The following SV2B variants were observed in gnomAD, a reference collection of about 807,000 sequenced individuals.
The protein encoded by SV2B is synaptic vesicle glycoprotein 2B, also known as solute carrier family 22 member B2.
SV2B carries 41 observed loss-of-function variants against 73.9 expected under a neutral mutation model. The observed-to-expected ratio is 0.56, with a 90% CI of 0.43 to 0.72. SV2B has a LOEUF of 0.72. SV2B is among the 30% of genes least tolerant of loss of function. The pLI is 0.00. For synonymous variants in SV2B, 314 were observed against 314.2 expected (o/e 1.00, Z 0.01); for missense variants, 764 against 857.8 (o/e 0.89, Z 1.37).
Position 91,253,975 on chromosome 15 carries a change from A to C in SV2B, c.784+1455A>C, listed in dbSNP as rs1473728162. Among the ~76,000 whole-genome samples the C allele has an allele frequency of 2.0e-5, 3 of 152,242 alleles. No homozygotes were observed. Among genetic ancestry groups the C allele is most frequent in the African/African-American group, 7.2e-5 (3 of 41,464 alleles). ...GGAATAGTGAAATAAAGAGTTGAAG[A>C]GTTTTCCAGCCAATTCTGTCATTCT... On this transcript the variant is annotated intron_variant, in intron 4 of 12. Transcript: ENST00000394232. This position sits in a 1 kb window ranked among gnomAD's most constrained non-coding sequence, Gnocchi z 5.0.
intron 2 of SV2B, among the ~76,000 whole-genome samples, chr15:91,235,916 G>A (rs1219912585): frequency 6.6e-6 from 1 of 152,148 alleles, no homozygotes; most frequent in Non-Finnish European, 1.5e-5. Context: ...GGGAGAGAGA[G>A]AAGACCGGGC....
intron 2 of SV2B, among the ~76,000 whole-genome samples, chr15:91,251,236 A>T (rs547225445): frequency 1.3e-3 from 193 of 152,356 alleles, no homozygotes; most frequent in Middle Eastern, 3.4e-3. Context: ...CGTTGAGAAA[A>T]CTGGATATTA....
chr15:91,284,431 G>A lies in SV2B; in HGVS notation c.1708+210G>A, dbSNP rs1004298099. Among the ~76,000 whole-genome samples, 2 of 152,190 alleles carry A rather than the reference G, an allele frequency of 1.3e-5. No individual in the cohort carries two copies. Among genetic ancestry groups the A allele is most frequent in the South Asian group, 4.1e-4 (2 of 4,822 alleles). On this transcript the variant is annotated intron_variant, in intron 11 of 12. Coordinates refer to ENST00000394232, the MANE Select transcript of SV2B (RefSeq NM_001323032.3). The surrounding 1 kb of genome is among the most constrained non-coding windows in gnomAD (Gnocchi z 4.5). ...AAATAGTCAAGAATCTTTGGTCTAG[G>A]CGAGGGACTTTTGTTCATTTCCTGA...
intron 1 of SV2B, among the ~76,000 whole-genome samples, chr15:91,135,631 C>T (rs987799724): frequency 3.9e-5 from 6 of 152,098 alleles, no homozygotes; most frequent in South Asian, 2.1e-4. Context: ...GAAACCATGA[C>T]GCCATCCTGC....
intron 9 of SV2B, among the ~76,000 whole-genome samples, chr15:91,276,567 CT>C (rs1299873562): frequency 6.6e-6 from 1 of 151,644 alleles, no homozygotes; most frequent in Non-Finnish European, 1.5e-5. Flanking sequence ...TCCAGTAATC[CT>C]TTGTTTTTGC....
chr15:91,102,809 A>C (rs2041772053), intron 1 of SV2B, among the ~76,000 whole-genome samples: 1 of 152,222 alleles, frequency 6.6e-6, no homozygotes, highest in Admixed American at 6.5e-5. Flanking sequence ...ACATTTGACC[A>C]GACATCTGGG....
intron 1 of SV2B, among the ~76,000 whole-genome samples, chr15:91,221,693 G>GCACGCGCGCGCACGCGCGCGCA (rs1555486429): frequency 3.6e-5 from 5 of 140,068 alleles, no homozygotes; most frequent in African/African-American, 1.4e-4. Context: ...AAGCATGTGC[G>GCACGCGCGCGCACGCGCGCGCA]CACACACACA....
intron 2 of SV2B, among the ~76,000 whole-genome samples, chr15:91,238,908 G>A (rs3784771): frequency 5.3e-5 from 8 of 152,092 alleles, no homozygotes; most frequent in Non-Finnish European, 8.8e-5. Flanking sequence ...TCGGGTCCTC[G>A]GTGGAGCTCA....
At chr15:91,269,452 T>C (rs1254527675) in intron 9 of SV2B, among the ~76,000 whole-genome samples, 1 of 152,226 alleles carries the variant, frequency 6.6e-6, no homozygotes, top group Non-Finnish European at 1.5e-5. Context: ...TGAAATACCA[T>C]GGCCCAGATA....
At position 91,197,077 on chromosome 15, in the gene SV2B, C is replaced by A. The variant is rs141885839; in HGVS notation, c.-391-28796C>A. Among the ~76,000 whole-genome samples, 1 of 152,360 alleles carries A rather than the reference C, an allele frequency of 6.6e-6. No homozygotes were observed. The highest frequency in any genetic ancestry group is 1.9e-4 in the East Asian group (1 of 5,186). The stretch of plus-strand genomic sequence containing the variant: ...CAGCCTTTAGCCCATAGATGCTGAT[C>A]TTTGATGTCAGAAAGACCTGTCTGC... On this transcript the variant is annotated intron_variant, in intron 1 of 12. Transcript: ENST00000394232. The surrounding 1 kb of genome is among the most constrained non-coding windows in gnomAD (Gnocchi z 4.9).
At chr15:91,170,091 T>A (rs72764764) in intron 1 of SV2B, among the ~76,000 whole-genome samples, 73,524 of 151,994 alleles carry the variant, frequency 0.48, 20,599 homozygotes, top group African/African-American at 0.76. Flanking sequence ...TTTAAAAATT[T>A]CTGTTATTTA....
At chr15:91,162,260 A>T (rs543529701) in intron 1 of SV2B, among the ~76,000 whole-genome samples, 42 of 152,316 alleles carry the variant, frequency 2.8e-4, no homozygotes, top group African/African-American at 1.0e-3. Context: ...CTTCCAGAAA[A>T]TACCACAGAT....
chr15:91,196,075 T>C (rs2045234766), intron 1 of SV2B, among the ~76,000 whole-genome samples: 1 of 152,244 alleles, frequency 6.6e-6, no homozygotes, highest in South Asian at 2.1e-4. Context: ...TATTAAAGAT[T>C]GGCTGCTAAA....
chr15:91,284,021 A>G lies in SV2B; in HGVS notation c.1508A>G (p.Asp503Gly). 6.2e-7 allele frequency: 1 copy of G among 1,613,924 alleles called. No homozygotes were observed. Among genetic ancestry groups the G allele is most frequent in the Non-Finnish European group, 8.5e-7 (1 of 1,179,968 alleles). ...TIESTIFYNT[D>G]LYEHKFINCR... ...ACCGAAGGTTTCCTTCTCTCCCCAG[A>G]CCTCTACGAGCACAAGTTCATCAAC... The change falls in exon 11 of 13, where the codon GAC (aspartate) becomes GGC (glycine). Residue 503 changes from aspartate to glycine, a missense_variant and splice_region_variant. Transcript: ENST00000394232. The surrounding 1 kb of genome is among the most constrained non-coding windows in gnomAD (Gnocchi z 4.5).
intron 1 of SV2B, among the ~76,000 whole-genome samples, chr15:91,117,202 G>A (rs2042205353): frequency 6.6e-6 from 1 of 152,132 alleles, no homozygotes; most frequent in African/African-American, 2.4e-5. Flanking sequence ...TAGATTGCTG[G>A]GATTGAAGCT....
rs2042003978 is a variant in SV2B at position 91,110,415 on chromosome 15, T to A, written c.-392+10052T>A. 6.6e-6 allele frequency among the ~76,000 whole-genome samples: 1 copy of A among 152,188 alleles called. No homozygotes were observed. The highest frequency in any genetic ancestry group is 1.5e-5 in the Non-Finnish European group (1 of 68,016). On this transcript the variant is annotated intron_variant, in intron 1 of 12. Transcript: ENST00000394232. The surrounding 1 kb of genome is among the most constrained non-coding windows in gnomAD (Gnocchi z 5.4). ...TAGTTCTCCCAAGCAGGTGAGAGCC[T>A]GGTTAGGCCCCTCAACAGCCTCCTC...
chr15:91,245,304 CA>C lies in SV2B; in HGVS notation c.452-6513del, dbSNP rs2047179573. ...ATTCTGAGCAAATAACTAGAAACAC[CA>C]ACAAAGACATATGCATAAAATATTC... is the stretch of plus-strand genomic sequence containing the variant. On this transcript the variant is annotated intron_variant, in intron 2 of 12. Transcript: ENST00000394232. This position sits in a 1 kb window ranked among gnomAD's most constrained non-coding sequence, Gnocchi z 4.2. 6.6e-6 allele frequency among the ~76,000 whole-genome samples: 1 copy of C among 152,128 alleles called. No individual in the cohort carries two copies. The highest frequency in any genetic ancestry group is 6.5e-5 in the Admixed American group (1 of 15,286).
chr15:91,115,507 G>A lies in SV2B; in HGVS notation c.-392+15144G>A, dbSNP rs189976999. 4.0e-5 allele frequency among the ~76,000 whole-genome samples: 6 copies of A among 151,892 alleles called. No individual in the cohort carries two copies. Among genetic ancestry groups the A allele is most frequent in the African/African-American group, 1.2e-4 (5 of 41,450 alleles). Reference sequence around the variant, plus strand: ...CCACCTCAGTCTCCTGAGTAGCTGGGACCACAGGCACCCACCATCATGCCT... The same window carrying A: ...CCACCTCAGTCTCCTGAGTAGCTGGAACCACAGGCACCCACCATCATGCCT... On this transcript the variant is annotated intron_variant, in intron 1 of 12. Transcript: ENST00000394232. The surrounding 1 kb of genome is among the most constrained non-coding windows in gnomAD (Gnocchi z 4.3).
At chr15:91,259,300 A>G (rs2047820744) in intron 5 of SV2B, among the ~76,000 whole-genome samples, 1 of 152,116 alleles carries the variant, frequency 6.6e-6, no homozygotes, top group Non-Finnish European at 1.5e-5. Context: ...TTCCAACAGC[A>G]GGGGAACCTC....
Sources: allele counts gnomAD v4.1 joint callset (sites outside exome capture counted in the v4.1 genomes callset), GRCh38; gene constraint gnomAD v4.1.1; non-coding constraint Gnocchi (gnomAD v3.1); transcripts MANE v1.5; gene names NCBI Gene and HGNC (gene_info 2026-07-23, HGNC 2026-07-21).